The following ASB3 variants were observed in gnomAD, a reference collection of about 807,000 sequenced individuals.
ASB3 encodes the protein ankyrin repeat and SOCS box protein 3.
ASB3 carries 41 observed loss-of-function variants against 54.5 expected under a neutral mutation model. That is an observed-to-expected ratio of 0.75 (90% CI 0.59 to 0.98). The LOEUF is 0.98. ASB3 is among the 50% of genes least tolerant of loss of function. The pLI is 0.00. For synonymous variants in ASB3, 266 were observed against 221.2 expected, an observed-to-expected ratio of 1.20 and a Z score of -1.80; for missense variants, 733 against 620.0, an observed-to-expected ratio of 1.18 and a Z score of -1.94.
chr2:53,772,207 C>T (rs995293423), intron 1 of ASB3, among the ~76,000 whole-genome samples: 6 of 152,074 alleles, frequency 3.9e-5, no homozygotes, highest in Non-Finnish European at 7.4e-5. Flanking sequence ...CAGAGTCTAG[C>T]TCTGTCGCCC....
chr2:53,736,105 A>C (rs62137602), intron 3 of ASB3, among the ~76,000 whole-genome samples: 26,674 of 152,110 alleles, frequency 0.18, 2,356 homozygotes, highest in South Asian at 0.23. Context: ...AAATAGTGAT[A>C]AATTGGACCA....
chr2:53,685,291 TG>T (rs1474044954), intron 9 of ASB3, among the ~76,000 whole-genome samples: 2 of 152,094 alleles, frequency 1.3e-5, no homozygotes, highest in Non-Finnish European at 2.9e-5. Context: ...GAAGAAGAGA[TG>T]GAATAAGAAG....
intron 7 of ASB3, among the ~76,000 whole-genome samples, chr2:53,708,217 T>C (rs1056206464): frequency 5.3e-5 from 8 of 152,078 alleles, no homozygotes; most frequent in African/African-American, 1.9e-4. Flanking sequence ...TTGTGAGAGC[T>C]AGTTGTTTAA....
At chr2:53,737,224 A>G (rs557474163) in intron 3 of ASB3, among the ~76,000 whole-genome samples, 46 of 152,280 alleles carry the variant, frequency 3.0e-4, no homozygotes, top group Middle Eastern at 3.4e-3. Flanking sequence ...AGATGAGCCC[A>G]TGATCACCCC....
Position 53,673,338 on chromosome 2 carries a change from G to A in ASB3, c.1370-2648C>T, listed in dbSNP as rs190324609. ...GAGAGCTGCTCACATGGAGATAAGG[G>A]ATCCTTAATGATGCTCCAGCTTCTC... On this transcript the variant is annotated intron_variant, in intron 9 of 9. Transcript: ENST00000263634. Among the ~76,000 whole-genome samples the A allele has an allele frequency of 4.9e-3, 743 of 152,284 alleles. 8 individuals carry two copies. The highest frequency in any genetic ancestry group is 0.031 in the Middle Eastern group (9 of 294).
chr2:53,714,238 T>C, intron 7 of ASB3, 146 bp downstream of exon 7: 1 of 982,398 alleles, frequency 1.0e-6, no homozygotes, highest in East Asian at 2.6e-5. Flanking sequence ...GACTGAAACA[T>C]CATAGTTTTT....
intron 9 of ASB3, 128 bp from the exon 10 acceptor site, chr2:53,670,818 T>A: frequency 1.8e-6 from 2 of 1,096,518 alleles, no homozygotes; most frequent in Non-Finnish European, 2.6e-6. Context: ...GAAGACTACT[T>A]TGAGTCAGTA....
chr2:53,740,948 C>T (rs747588745), intron 3 of ASB3, among the ~76,000 whole-genome samples: 2 of 152,194 alleles, frequency 1.3e-5, no homozygotes, highest in African/African-American at 2.4e-5. Context: ...TTAGATAACA[C>T]ATCCCTAAAC....
chr2:53,671,365 T>C (rs971198165), intron 9 of ASB3, among the ~76,000 whole-genome samples: 1 of 148,218 alleles, frequency 6.7e-6, no homozygotes, highest in Non-Finnish European at 1.5e-5. Context: ...TGTGTGTGTG[T>C]GTGTGTGTGT....
intron 3 of ASB3, among the ~76,000 whole-genome samples, chr2:53,749,438 C>T (rs1412923562): frequency 1.3e-5 from 2 of 152,038 alleles, no homozygotes; most frequent in Non-Finnish European, 2.9e-5. Flanking sequence ...ATATGTCATA[C>T]CAATCCTAAG....
intron 1 of ASB3, among the ~76,000 whole-genome samples, chr2:53,769,309 G>T (rs1673723612): frequency 6.6e-6 from 1 of 152,214 alleles, no homozygotes; most frequent in South Asian, 2.1e-4. Flanking sequence ...CCAGGAGTTT[G>T]AGAGTTGTCA....
intron 1 of ASB3, 140 bp from the exon 2 acceptor site, chr2:53,765,725 C>G: frequency 1.0e-6 from 1 of 984,740 alleles, no homozygotes; most frequent in Non-Finnish European, 1.5e-6. Context: ...AAGTGACTGC[C>G]ATGCCACAGT....
intron 9 of ASB3, among the ~76,000 whole-genome samples, chr2:53,688,022 T>C (rs1668722593): frequency 6.6e-6 from 1 of 152,172 alleles, no homozygotes; most frequent in South Asian, 2.1e-4. Context: ...GGTCTTGCCA[T>C]GTTGCCCAAC....
intron 3 of ASB3, among the ~76,000 whole-genome samples, chr2:53,734,918 GT>G (rs35847412): frequency 0.26 from 31,122 of 119,318 alleles, 2,560 homozygotes; most frequent in African/African-American, 0.36. Flanking sequence ...CTTTATACAA[GT>G]TTTTTTTTTT....
chr2:53,742,272 T>C (rs1294432410), intron 3 of ASB3, among the ~76,000 whole-genome samples: 6 of 152,180 alleles, frequency 3.9e-5, no homozygotes, highest in Non-Finnish European at 8.8e-5. Context: ...CTCCATAATA[T>C]GGAATGTGCC....
chr2:53,689,519 A>G (rs996060197), intron 9 of ASB3, among the ~76,000 whole-genome samples: 1 of 152,230 alleles, frequency 6.6e-6, no homozygotes, highest in African/African-American at 2.4e-5. Flanking sequence ...ATTATCAGAA[A>G]GGATTACAGA....
At position 53,750,911 on chromosome 2, in the gene ASB3, GTCTTC is replaced by G; in HGVS notation, c.222_226del (p.Met74IlefsTer3). 1 of 1,587,800 alleles carries G rather than the reference GTCTTC, an allele frequency of 6.3e-7. No individual in the cohort carries two copies. The highest frequency in any genetic ancestry group is 8.6e-7 in the Non-Finnish European group (1 of 1,167,874). The stretch of plus-strand genomic sequence containing the variant: ...ATGCAAAGCACAGAAACCTTCAAAG[GTCTTC>G]ATCTTAATGTAGTTTTCAGATGAAT... On this transcript the variant is annotated frameshift_variant, in exon 3 of 10. Coordinates refer to ENST00000263634, the MANE Select transcript of ASB3 (RefSeq NM_016115.5). LOFTEE classifies it high-confidence loss of function.
chr2:53,755,987 C>A (rs566347270), intron 2 of ASB3, among the ~76,000 whole-genome samples: 27 of 149,998 alleles, frequency 1.8e-4, no homozygotes, highest in South Asian at 8.4e-4. Flanking sequence ...ACCCCCCCCC[C>A]ACCTCTACAA....
Position 53,670,392 on chromosome 2 carries a change from A to G in ASB3, c.*111T>C. The G allele has an allele frequency of 7.8e-7, 1 of 1,285,468 alleles. No individual in the cohort carries two copies. Among genetic ancestry groups the G allele is most frequent in the South Asian group, 1.7e-5 (1 of 57,770 alleles). 79.6% of individuals were successfully genotyped at this position (1,285,468 alleles called of 1,614,324 possible). A position where few individuals can be genotyped will look rare whatever the true frequency, so the allele number is the denominator to read the frequency against. ...CCCCCAAAACCTAACCTATCTCACA[A>G]TCAATAATCATCTTTTGACTATAAA... On this transcript the variant is annotated 3_prime_UTR_variant, in exon 10 of 10. Coordinates refer to ENST00000263634, the MANE Select transcript of ASB3 (RefSeq NM_016115.5).
Sources: allele counts gnomAD v4.1 joint callset (sites outside exome capture counted in the v4.1 genomes callset), GRCh38; gene constraint gnomAD v4.1.1; transcripts MANE v1.5; gene names NCBI Gene and HGNC (gene_info 2026-07-23, HGNC 2026-07-21).